The following TMPRSS11F variants were observed in gnomAD, a reference collection of about 807,000 sequenced individuals.
TMPRSS11F encodes transmembrane serine protease 11F.
Under a neutral mutation model 60.2 loss-of-function variants are expected in TMPRSS11F, and 47 were observed. The observed-to-expected ratio is 0.78, with a 90% confidence interval of 0.62 to 1.00. The LOEUF (loss-of-function observed/expected upper bound fraction) is 1.00, where lower values mean the gene tolerates loss of function less well. TMPRSS11F is among the 50% of genes least tolerant of loss of function. The probability of loss-of-function intolerance (pLI) is 0.00; values close to 1 mark genes in which losing one functional copy is unlikely to be tolerated. For synonymous variants in TMPRSS11F, 166 were observed against 167.3 expected, an observed-to-expected ratio of 0.99 and a Z score of 0.06; for missense variants, 519 against 522.9, an observed-to-expected ratio of 0.99 and a Z score of 0.07.
chr4:68,070,597 G>A (rs1241443048), intron 5 of TMPRSS11F, among the ~76,000 whole-genome samples: 3 of 152,202 alleles, frequency 2.0e-5, no homozygotes, highest in Non-Finnish European at 4.4e-5. Context: ...CTAGAGGCAT[G>A]AAGTTCTTTC....
chr4:68,068,730 C>G lies in TMPRSS11F; in HGVS notation c.643G>C (p.Glu215Gln). Reference sequence around the variant, plus strand: ...CTGGCCTGCCATGGCCATTCCCCTTCCATAGCTGTTTCCCTTCCTTGGACA... The same window carrying G: ...CTGGCCTGCCATGGCCATTCCCCTTGCATAGCTGTTTCCCTTCCTTGGACA... ...RIVQGRETAM[E>Q]GEWPWQASLQ... The change falls in exon 7 of 10, where the codon GAA becomes CAA. Residue 215 changes from glutamate to glutamine, a missense_variant. By Grantham distance (29) the Glu-to-Gln change is conservative. Transcript: ENST00000356291. 1 of 1,614,246 alleles carries G rather than the reference C, an allele frequency of 6.2e-7. No homozygotes were observed. Among genetic ancestry groups the G allele is most frequent in the Non-Finnish European group, 8.5e-7 (1 of 1,180,052 alleles).
chr4:68,114,617 G>T (rs34510080), intron 1 of TMPRSS11F, among the ~76,000 whole-genome samples: 32,905 of 151,484 alleles, frequency 0.22, 3,991 homozygotes, highest in Admixed American at 0.37. Flanking sequence ...TAGAAAAAAA[G>T]GAAATGCTTC....
intron 9 of TMPRSS11F, 100 bp downstream of exon 9, chr4:68,059,226 A>C: frequency 8.1e-7 from 1 of 1,234,802 alleles, no homozygotes; most frequent in South Asian, 1.5e-5. Flanking sequence ...TCGGTGTAAG[A>C]GATGCCATTT....
At chr4:68,122,030 TTTTA>T (rs1327512514) in intron 1 of TMPRSS11F, among the ~76,000 whole-genome samples, 2 of 152,332 alleles carry the variant, frequency 1.3e-5, no homozygotes, top group African/African-American at 4.8e-5. Context: ...TAACCACTTT[TTTTA>T]TTTTTGAATA....
At chr4:68,088,787 A>G (rs1166318867) in intron 3 of TMPRSS11F, among the ~76,000 whole-genome samples, 1 of 151,988 alleles carries the variant, frequency 6.6e-6, no homozygotes, top group Non-Finnish European at 1.5e-5. Context: ...CAATATCAAG[A>G]TGCAATCCCA....
In TMPRSS11F at chr4:68,053,940, C is replaced by T. The variant is rs137965399; in HGVS notation, c.1286G>A (p.Arg429Gln). ...ACCAGTCTTTGAGGCAATCCAATCT[C>T]GATACTTAGTTACTCTGGTGTAGAC... ...PGVYTRVTKY[R>Q]DWIASKTGM Residue 429 changes from arginine to glutamine, a missense_variant, in exon 10 of 10, where the codon CGA becomes CAA. Arg to Gln is a conservative substitution (Grantham distance 43). Coordinates refer to ENST00000356291, the MANE Select transcript of TMPRSS11F (RefSeq NM_207407.2). 54 of 1,613,538 alleles carry T rather than the reference C, an allele frequency of 3.3e-5. No individual in the cohort carries two copies. In the African/African-American group the frequency reaches 6.7e-4, roughly 20 times the overall value.
intron 5 of TMPRSS11F, among the ~76,000 whole-genome samples, chr4:68,070,220 T>C (rs1056849926): frequency 5.9e-5 from 9 of 152,180 alleles, no homozygotes; most frequent in Non-Finnish European, 1.2e-4. Context: ...TAAAATTAAA[T>C]CAGAGAGCAT....
At chr4:68,117,229 A>T (rs1381755221) in intron 1 of TMPRSS11F, among the ~76,000 whole-genome samples, 2 of 152,064 alleles carry the variant, frequency 1.3e-5, no homozygotes, top group African/African-American at 4.8e-5. Context: ...GCACTTTGGG[A>T]GGCCGAGGGG....
intron 8 of TMPRSS11F, among the ~76,000 whole-genome samples, 192 bp downstream of exon 8, chr4:68,064,493 G>A (rs879844868): frequency 1.3e-5 from 2 of 152,020 alleles, no homozygotes; most frequent in Non-Finnish European, 2.9e-5. Flanking sequence ...GGCCACCACT[G>A]CTCCAATTGT....
intron 1 of TMPRSS11F, among the ~76,000 whole-genome samples, chr4:68,100,986 T>C: frequency 6.6e-6 from 1 of 152,174 alleles, no homozygotes; most frequent in East Asian, 1.9e-4. Context: ...ATTATTCCCA[T>C]TCCTTTTCCC....
At chr4:68,114,622 T>A (rs1724478102) in intron 1 of TMPRSS11F, among the ~76,000 whole-genome samples, 1 of 151,566 alleles carries the variant, frequency 6.6e-6, no homozygotes. Flanking sequence ...AAAAAGGAAA[T>A]GCTTCCAATT....
chr4:68,076,650 C>T (rs1358071197), intron 3 of TMPRSS11F, among the ~76,000 whole-genome samples: 5 of 152,284 alleles, frequency 3.3e-5, no homozygotes, highest in African/African-American at 9.6e-5. Context: ...TCAATCCAGA[C>T]CAGAGTCCTA....
intron 7 of TMPRSS11F, among the ~76,000 whole-genome samples, chr4:68,066,298 A>G (rs1723327215): frequency 6.6e-6 from 1 of 152,210 alleles, no homozygotes; most frequent in Admixed American, 6.5e-5. Flanking sequence ...ATATGACTTC[A>G]GGCCTTAAGG....
chr4:68,088,642 A>C (rs1723863806), intron 3 of TMPRSS11F, among the ~76,000 whole-genome samples: 1 of 152,182 alleles, frequency 6.6e-6, no homozygotes, highest in Admixed American at 6.6e-5. Flanking sequence ...CATACTTGGA[A>C]GTAAAGCTCT....
Position 68,068,675 on chromosome 4 carries a change from C to T in TMPRSS11F, c.698G>A (p.Cys233Tyr). The T allele has an allele frequency of 1.2e-6, 2 of 1,614,196 alleles. No homozygotes were observed. Among genetic ancestry groups the T allele is most frequent in the African/African-American group, 1.3e-5 (1 of 75,048 alleles). Residue 233 changes from cysteine to tyrosine, a missense_variant, in exon 7 of 10, where the codon TGT (cysteine) becomes TAT (tyrosine). By Grantham distance (194) the Cys-to-Tyr change is radical (BLOSUM62 -2). Coordinates refer to ENST00000356291, the MANE Select transcript of TMPRSS11F (RefSeq NM_207407.2). ...TGTGTTACTGATGAGGCTGGCTCCA[C>T]ACTGATGGCCTGACCCTATGAGCTG... ...SLQLIGSGHQ[C>Y]GASLISNTWL...
chr4:68,079,070 G>C lies in TMPRSS11F; in HGVS notation c.283-5061C>G, dbSNP rs1367630732. 4.1e-5 allele frequency among the ~76,000 whole-genome samples: 3 copies of C among 73,912 alleles called. 1 individual carries two copies. Among genetic ancestry groups the C allele is most frequent in the Admixed American group, 3.8e-4 (3 of 7,916 alleles). The allele number at this position is 73,912 out of a possible 152,430, so 48.5% of individuals were successfully genotyped here. A position where few individuals can be genotyped will look rare whatever the true frequency, so the allele number is the denominator to read the frequency against. The stretch of plus-strand genomic sequence containing the variant: ...TCTATTTAAAAAATGGCATATTCTG[G>C]TATAGTACAATACTGGTGTGACCTT... On this transcript the variant is annotated intron_variant, in intron 3 of 9. Coordinates refer to ENST00000356291, the MANE Select transcript of TMPRSS11F (RefSeq NM_207407.2).
At chr4:68,129,077 T>C (rs1724768004) in intron 1 of TMPRSS11F, among the ~76,000 whole-genome samples, 1 of 152,164 alleles carries the variant, frequency 6.6e-6, no homozygotes, top group Non-Finnish European at 1.5e-5. Flanking sequence ...CGAGAACCTT[T>C]TTAAGAAACA....
intron 1 of TMPRSS11F, among the ~76,000 whole-genome samples, chr4:68,124,361 G>A (rs1483746357): frequency 1.3e-5 from 2 of 152,030 alleles, no homozygotes; most frequent in African/African-American, 2.4e-5. Flanking sequence ...AAATTTAGCT[G>A]TGCGTTGGGG....
chr4:68,114,185 A>G (rs1462909165), intron 1 of TMPRSS11F, among the ~76,000 whole-genome samples: 5 of 151,970 alleles, frequency 3.3e-5, no homozygotes, highest in South Asian at 2.1e-4. Flanking sequence ...ACAATAATCA[A>G]CCCTACCTTA....
Sources: allele counts gnomAD v4.1 joint callset (sites outside exome capture counted in the v4.1 genomes callset), GRCh38; gene constraint gnomAD v4.1.1; transcripts MANE v1.5; gene names NCBI Gene and HGNC (gene_info 2026-07-23, HGNC 2026-07-21).